EML4: variants seen among roughly 807,000 people sequenced by gnomAD.
The protein encoded by EML4 is echinoderm microtubule-associated protein-like 4.
In EML4, 72 loss-of-function variants were observed where a neutral mutation model predicts 129.0. That is an observed-to-expected ratio of 0.56 (90% CI 0.46 to 0.68). The LOEUF (loss-of-function observed/expected upper bound fraction) is 0.68. Ranked by LOEUF, EML4 falls within the 30% of genes least tolerant of loss-of-function variation. EML4 has a pLI of 0.00. For missense variants in EML4, 1,363 were observed against 1,190.6 expected (o/e 1.14, Z -2.13); for synonymous variants, 532 against 405.0 (o/e 1.31, Z -3.77).
intron 18 of EML4, among the ~76,000 whole-genome samples, chr2:42,316,334 A>G (rs72972058): frequency 0.05 from 7,594 of 152,304 alleles, 607 homozygotes; most frequent in African/African-American, 0.17. Flanking sequence ...GGAACTACAC[A>G]TACTTAGAAT....
chr2:42,250,824 T>C (rs1392865128), intron 2 of EML4, among the ~76,000 whole-genome samples: 1 of 152,186 alleles, frequency 6.6e-6, no homozygotes, highest in African/African-American at 2.4e-5. Context: ...ATGAAATAAT[T>C]ATACAACTCA....
At chr2:42,254,607 ACCCT>A (rs1675999769) in intron 2 of EML4, among the ~76,000 whole-genome samples, 2 of 120,964 alleles carry the variant, frequency 1.7e-5, no homozygotes, top group African/African-American at 3.2e-5. Flanking sequence ...AACACTTAAT[ACCCT>A]CTTGAGTTTT....
In EML4 at chr2:42,304,542, A is replaced by C. The variant is rs1668484264; in HGVS notation, c.1958A>C (p.His653Pro). 1.9e-6 allele frequency: 3 copies of C among 1,613,546 alleles called. No individual in the cohort carries two copies. Among genetic ancestry groups the C allele is most frequent in the Admixed American group, 1.7e-5 (1 of 59,978 alleles). Residue 653 changes from histidine (H) to proline (P), a missense_variant, in exon 17 of 23, where the codon CAC (histidine) becomes CCC (proline). Transcript: ENST00000318522. ...PSGTVVAIGT[H>P]SGRWFVLDAE... ...GGCACAGTGGTGGCCATAGGAACGC[A>C]CTCAGGCAGGTAGGGTCTTTAAGTG...
Position 42,200,941 on chromosome 2 carries a change from G to A in EML4, c.25+31305G>A, listed in dbSNP as rs868790550. On this transcript the variant is annotated intron_variant, in intron 1 of 22. Coordinates refer to ENST00000318522, the MANE Select transcript of EML4 (RefSeq NM_019063.5). ...TTTCCACTTCCCCTGTTCTCCATGG[G>A]CTGCCTGCTGTATTCTCCTAAGGAT... Among the ~76,000 whole-genome samples the A allele has an allele frequency of 3.3e-5, 5 of 152,244 alleles. No homozygotes were observed. In the Middle Eastern group the frequency reaches 0.014, roughly 414 times the overall value.
intron 3 of EML4, among the ~76,000 whole-genome samples, chr2:42,258,218 C>T (rs912892186): frequency 6.6e-6 from 1 of 151,978 alleles, no homozygotes. Flanking sequence ...TTGTACTGGG[C>T]CCACATAAAA....
intron 1 of EML4, among the ~76,000 whole-genome samples, chr2:42,225,140 G>A (rs1326428505): frequency 1.3e-5 from 2 of 152,052 alleles, no homozygotes; most frequent in Non-Finnish European, 2.9e-5. Flanking sequence ...GCCACATTTT[G>A]TTTATCCATT....
rs562721889 is a variant in EML4 at position 42,285,029 on chromosome 2, T to G, written c.1011+326T>G. ...GTGTCTGCGGGAAGGTACTGCAGTTTCCCTTAGTTGATGAACCTGTTGATT... is the reference window on the plus strand; with the variant it reads ...GTGTCTGCGGGAAGGTACTGCAGTTGCCCTTAGTTGATGAACCTGTTGATT... On this transcript the variant is annotated intron_variant, in intron 9 of 22. Coordinates refer to ENST00000318522, the MANE Select transcript of EML4 (RefSeq NM_019063.5). Among the ~76,000 whole-genome samples, 3 of 151,922 alleles carry G rather than the reference T, an allele frequency of 2.0e-5. No individual in the cohort carries two copies. In the South Asian group the frequency reaches 6.2e-4, roughly 31 times the overall value.
intron 1 of EML4, among the ~76,000 whole-genome samples, chr2:42,209,878 A>G (rs543157975): frequency 6.6e-6 from 1 of 152,286 alleles, no homozygotes; most frequent in Admixed American, 6.5e-5. Context: ...GCAGGGAGCC[A>G]AGATCATGCC....
intron 2 of EML4, 119 bp downstream of exon 2, chr2:42,245,806 C>T: frequency 3.0e-6 from 3 of 990,206 alleles, no homozygotes; most frequent in South Asian, 5.1e-5. Flanking sequence ...AGTTTGTTTT[C>T]CATTTCGTTT....
At chr2:42,315,778 G>A (rs1488492817) in intron 17 of EML4, among the ~76,000 whole-genome samples, 184 bp from the exon 18 acceptor site, 1 of 152,168 alleles carries the variant, frequency 6.6e-6, no homozygotes, top group Non-Finnish European at 1.5e-5. Flanking sequence ...CAACTCAGGA[G>A]GCTGAGGTGT....
intron 14 of EML4, among the ~76,000 whole-genome samples, chr2:42,302,257 G>T (rs1668324877): frequency 6.6e-6 from 1 of 152,044 alleles, no homozygotes; most frequent in Non-Finnish European, 1.5e-5. Context: ...GATACAATCT[G>T]ATGTTTTGAT....
intron 6 of EML4, among the ~76,000 whole-genome samples, chr2:42,272,332 T>C (rs921163810): frequency 4.6e-5 from 7 of 152,188 alleles, no homozygotes; most frequent in African/African-American, 1.7e-4. Flanking sequence ...CCAAAAATAT[T>C]CTATTGTTTT....
At chr2:42,328,565 A>G (rs1376832209) in intron 21 of EML4, among the ~76,000 whole-genome samples, 1 of 152,212 alleles carries the variant, frequency 6.6e-6, no homozygotes, top group Non-Finnish European at 1.5e-5. Context: ...AAAAAGGAAG[A>G]GCTTATTGCT....
At position 42,316,055 on chromosome 2, in the gene EML4, G is replaced by A; in HGVS notation, c.2056+5G>A. ...CTGTGATGCGCTACTCAATAGGTAG[G>A]CAAATTTACTCCCACCTCCCAAGCA... On this transcript the variant is annotated splice_donor_5th_base_variant and intron_variant, in intron 18 of 22. Coordinates refer to ENST00000318522, the MANE Select transcript of EML4 (RefSeq NM_019063.5). 4 of 1,603,160 alleles carry A rather than the reference G, an allele frequency of 2.5e-6. No homozygotes were observed. The highest frequency in any genetic ancestry group is 3.4e-6 in the Non-Finnish European group (4 of 1,170,822).
intron 1 of EML4, among the ~76,000 whole-genome samples, chr2:42,223,183 G>A (rs1418939494): frequency 6.6e-6 from 1 of 152,002 alleles, no homozygotes; most frequent in African/African-American, 2.4e-5. Flanking sequence ...ATTTTGATAG[G>A]TCTGATAGGT....
Position 42,245,695 on chromosome 2 carries a change from T to C in EML4, c.208+8T>C. The C allele has an allele frequency of 6.3e-7, 1 of 1,579,590 alleles. No homozygotes were observed. The highest frequency in any genetic ancestry group is 8.6e-7 in the Non-Finnish European group (1 of 1,165,788). ...AATCAGTCTCAAGTAAAGGTAATTG[T>C]GTTGTAAAGTTAAAAAGAGTCTTGC... On this transcript the variant is annotated splice_region_variant and intron_variant, in intron 2 of 22. Transcript: ENST00000318522.
At chr2:42,281,086 C>T (rs369719247) in intron 7 of EML4, 113 bp downstream of exon 7, 34 of 903,928 alleles carry the variant, frequency 3.8e-5, no homozygotes, top group Middle Eastern at 2.3e-4. Flanking sequence ...GTAACAGCTA[C>T]TTAAAAAATT....
At chr2:42,328,767 G>T (rs1047292933) in intron 21 of EML4, 119 bp from the exon 22 acceptor site, 2 of 752,300 alleles carry the variant, frequency 2.7e-6, no homozygotes, top group African/African-American at 3.5e-5. Flanking sequence ...AATGTTAACA[G>T]CTAAGAGTTT....
At chr2:42,191,494 T>C (rs1671578230) in intron 1 of EML4, among the ~76,000 whole-genome samples, 1 of 152,116 alleles carries the variant, frequency 6.6e-6, no homozygotes, top group Non-Finnish European at 1.5e-5. Context: ...GGCAGGGTCA[T>C]GTAGGAAGAT....
Sources: allele counts gnomAD v4.1 joint callset (sites outside exome capture counted in the v4.1 genomes callset), GRCh38; gene constraint gnomAD v4.1.1; transcripts MANE v1.5; gene names NCBI Gene and HGNC (gene_info 2026-07-23, HGNC 2026-07-21).